The following CHST11 variants were observed in gnomAD, a reference collection of about 807,000 sequenced individuals.
CHST11 encodes the protein C4S-1.
A neutral mutation model predicts 30.4 loss-of-function variants in CHST11; 9 were observed. The ratio of observed to expected loss-of-function variants is 0.30; its 90% confidence interval spans 0.18 to 0.52. CHST11 has a LOEUF of 0.52. Ranked by LOEUF, CHST11 falls within the 20% of genes least tolerant of loss-of-function variation. CHST11 has a pLI of 0.97. For synonymous variants in CHST11, 152 were observed against 187.8 expected, an observed-to-expected ratio of 0.81 and a Z score of 1.56; for missense variants, 348 against 460.6, an observed-to-expected ratio of 0.76 and a Z score of 2.24.
At chr12:104,494,774 T>G (rs1162677382) in intron 1 of CHST11, among the ~76,000 whole-genome samples, 3 of 152,212 alleles carry the variant, frequency 2.0e-5, no homozygotes, top group Non-Finnish European at 2.9e-5. Context: ...TTTTGTTTTG[T>G]GGGTAGATTT....
chr12:104,678,052 C>T (rs1303027906), intron 2 of CHST11, among the ~76,000 whole-genome samples: 2 of 152,216 alleles, frequency 1.3e-5, no homozygotes. Flanking sequence ...CTGCTTCTTG[C>T]ATTGCCTTGT....
intron 2 of CHST11, among the ~76,000 whole-genome samples, chr12:104,628,348 C>T (rs1257874315): frequency 1.3e-5 from 2 of 152,240 alleles, no homozygotes; most frequent in Admixed American, 6.5e-5. Context: ...CCCAGACCAT[C>T]TCTTCAGGTT....
intron 1 of CHST11, among the ~76,000 whole-genome samples, chr12:104,533,685 A>G (rs2038207537): frequency 6.6e-6 from 1 of 152,240 alleles, no homozygotes; most frequent in African/African-American, 2.4e-5. Context: ...CTGTGCTCCC[A>G]GAAGACACTT....
At chr12:104,490,143 C>T (rs971551105) in intron 1 of CHST11, among the ~76,000 whole-genome samples, 2 of 152,216 alleles carry the variant, frequency 1.3e-5, no homozygotes, top group African/African-American at 4.8e-5. Flanking sequence ...TGTGCACAGA[C>T]CAGGTGGCTC....
intron 1 of CHST11, among the ~76,000 whole-genome samples, chr12:104,511,137 T>A (rs963374629): frequency 2.6e-5 from 4 of 152,334 alleles, no homozygotes; most frequent in African/African-American, 4.8e-5. Flanking sequence ...AACCCCTGGG[T>A]TGAATCAGTC....
chr12:104,592,443 A>T (rs757848144), intron 1 of CHST11, among the ~76,000 whole-genome samples: 1 of 152,086 alleles, frequency 6.6e-6, no homozygotes, highest in Non-Finnish European at 1.5e-5. Context: ...CACATGGTGG[A>T]GGGGGTAAGT....
intron 2 of CHST11, among the ~76,000 whole-genome samples, chr12:104,604,740 G>A (rs1022985263): frequency 9.2e-5 from 14 of 152,176 alleles, no homozygotes; most frequent in African/African-American, 3.1e-4. Flanking sequence ...ACTGCTCCCC[G>A]AGCTGGTGTT....
At chr12:104,616,469 T>C (rs78837838) in intron 2 of CHST11, among the ~76,000 whole-genome samples, 5 of 98,738 alleles carry the variant, frequency 5.1e-5, no homozygotes, top group Admixed American at 1.2e-4. Flanking sequence ...GAAACTACAT[T>C]TTTTTTTTTT....
chr12:104,583,673 C>T (rs1160031710), intron 1 of CHST11, among the ~76,000 whole-genome samples: 1 of 152,054 alleles, frequency 6.6e-6, no homozygotes, highest in East Asian at 1.9e-4. Context: ...CTAAAATATG[C>T]AGAAATTAAA....
At chr12:104,481,502 T>C (rs1046047066) in intron 1 of CHST11, among the ~76,000 whole-genome samples, 1 of 152,216 alleles carries the variant, frequency 6.6e-6, no homozygotes, top group Non-Finnish European at 1.5e-5. Flanking sequence ...AGAAATGGTT[T>C]CAAAAACCAA....
chr12:104,738,018 CT>C (rs2040315377), intron 2 of CHST11, among the ~76,000 whole-genome samples: 1 of 152,174 alleles, frequency 6.6e-6, no homozygotes, highest in South Asian at 2.1e-4. Flanking sequence ...TTTTTTGAAC[CT>C]TTCTGTTCTT....
intron 2 of CHST11, among the ~76,000 whole-genome samples, chr12:104,749,745 G>C (rs1314642896): frequency 6.6e-6 from 1 of 152,234 alleles, no homozygotes; most frequent in Non-Finnish European, 1.5e-5. Context: ...GGTTATGACA[G>C]TTACAAAAGC....
chr12:104,663,293 T>C (rs1410419517), intron 2 of CHST11, among the ~76,000 whole-genome samples: 4 of 152,254 alleles, frequency 2.6e-5, no homozygotes, highest in African/African-American at 9.6e-5. Context: ...GTGAATACTT[T>C]TTCTTCTCTG....
At chr12:104,465,037 TC>T (rs1298233198) in intron 1 of CHST11, among the ~76,000 whole-genome samples, 5 of 152,238 alleles carry the variant, frequency 3.3e-5, no homozygotes, top group Admixed American at 3.3e-4. Flanking sequence ...AGCAACTGTT[TC>T]GTTTCTTAGT....
intron 1 of CHST11, among the ~76,000 whole-genome samples, chr12:104,589,438 G>A (rs1426743432): frequency 1.3e-5 from 2 of 151,644 alleles, no homozygotes; most frequent in African/African-American, 4.8e-5. Flanking sequence ...CATAGAGACA[G>A]GAAATAGAAT....
intron 1 of CHST11, among the ~76,000 whole-genome samples, chr12:104,507,053 C>T (rs1211705430): frequency 1.3e-5 from 2 of 152,074 alleles, no homozygotes; most frequent in Non-Finnish European, 2.9e-5. Context: ...GGGGAGAGAG[C>T]CCCTGCTGGC....
intron 1 of CHST11, among the ~76,000 whole-genome samples, chr12:104,550,811 A>G (rs1377999055): frequency 3.9e-5 from 6 of 152,212 alleles, no homozygotes; most frequent in Non-Finnish European, 1.5e-5. Flanking sequence ...GAGGAAGAAG[A>G]TGTCGTTGGG....
chr12:104,461,309 C>G (rs975376305), intron 1 of CHST11, among the ~76,000 whole-genome samples: 3 of 152,216 alleles, frequency 2.0e-5, no homozygotes, highest in Non-Finnish European at 4.4e-5. Context: ...ATCCATAGAA[C>G]AGACACCTTC....
chr12:104,477,511 A>G (rs1215272185), intron 1 of CHST11, among the ~76,000 whole-genome samples: 3 of 152,202 alleles, frequency 2.0e-5, no homozygotes, highest in Non-Finnish European at 2.9e-5. Context: ...CTAATCCCCA[A>G]TATGAGGCTC....
Sources: allele counts gnomAD v4.1 joint callset (sites outside exome capture counted in the v4.1 genomes callset), GRCh38; gene constraint gnomAD v4.1.1; transcripts MANE v1.5; gene names NCBI Gene and HGNC (gene_info 2026-07-23, HGNC 2026-07-21).